ULK4: variants seen among roughly 807,000 people sequenced by gnomAD.
The protein encoded by ULK4 is unc-51 like kinase 4, also known as inactive serine/threonine-protein kinase ULK4.
In ULK4, 133 loss-of-function variants were observed where a neutral mutation model predicts 160.6. That is an observed-to-expected ratio of 0.83 (90% CI 0.72 to 0.96). The LOEUF (loss-of-function observed/expected upper bound fraction) is 0.96, where lower values mean the gene tolerates loss of function less well. ULK4 is among the 40% of genes least tolerant of loss of function. ULK4 has a pLI of 0.00. For missense variants in ULK4, 1,580 were observed against 1,499.5 expected (o/e 1.05, Z -0.89); for synonymous variants, 534 against 539.8 (o/e 0.99, Z 0.15).
At chr3:41,599,909 A>G (rs2031954565) in intron 31 of ULK4, among the ~76,000 whole-genome samples, 1 of 152,194 alleles carries the variant, frequency 6.6e-6, no homozygotes, top group Non-Finnish European at 1.5e-5. Flanking sequence ...TAATAGCTTA[A>G]TATCTACAAA....
At chr3:41,340,204 A>T (rs894758130) in intron 35 of ULK4, among the ~76,000 whole-genome samples, 1 of 152,262 alleles carries the variant, frequency 6.6e-6, no homozygotes, top group Non-Finnish European at 1.5e-5. Context: ...CACCCTTCAA[A>T]TTACTGAAGA....
At chr3:41,688,332 T>C (rs1017196011) in intron 27 of ULK4, among the ~76,000 whole-genome samples, 8 of 152,060 alleles carry the variant, frequency 5.3e-5, no homozygotes, top group African/African-American at 1.9e-4. Context: ...GGTGGGAGAA[T>C]CGCTTGAGCC....
chr3:41,529,278 G>A lies in ULK4; in HGVS notation c.3226+36747C>T, dbSNP rs144308552. Among the ~76,000 whole-genome samples, 4 of 152,170 alleles carry A rather than the reference G, an allele frequency of 2.6e-5. No homozygotes were observed. In the East Asian group the frequency reaches 7.7e-4, roughly 29 times the overall value. ...ACGAGAAAAATTTCTAAAAGTTGGAGCAAAACTCCTAAATTAAACTTACTC... is the reference window on the plus strand; with the variant it reads ...ACGAGAAAAATTTCTAAAAGTTGGAACAAAACTCCTAAATTAAACTTACTC... On this transcript the variant is annotated intron_variant, in intron 32 of 36. Transcript: ENST00000301831.
intron 35 of ULK4, among the ~76,000 whole-genome samples, chr3:41,391,504 C>A (rs1477807060): frequency 6.6e-6 from 1 of 151,630 alleles, no homozygotes; most frequent in Non-Finnish European, 1.5e-5. Context: ...TTTTATTATA[C>A]CTCAAGGAAT....
intron 19 of ULK4, among the ~76,000 whole-genome samples, chr3:41,815,637 C>T (rs1197703592): frequency 6.6e-6 from 1 of 152,160 alleles, no homozygotes; most frequent in East Asian, 1.9e-4. Flanking sequence ...CCTCAATGCC[C>T]TCCTCAGATC....
chr3:41,447,444 G>A (rs1276669861), intron 34 of ULK4, among the ~76,000 whole-genome samples: 2 of 151,878 alleles, frequency 1.3e-5, no homozygotes, highest in African/African-American at 4.8e-5. Context: ...GGCAGCCTTG[G>A]CCAATAACAA....
At chr3:41,847,008 G>A (rs1279809648) in intron 17 of ULK4, among the ~76,000 whole-genome samples, 1 of 152,016 alleles carries the variant, frequency 6.6e-6, no homozygotes, top group Non-Finnish European at 1.5e-5. Flanking sequence ...CTATTCTTGG[G>A]CAACCACAGG....
intron 32 of ULK4, among the ~76,000 whole-genome samples, chr3:41,479,708 CG>C (rs1559633879): frequency 6.6e-6 from 1 of 152,086 alleles, no homozygotes. Flanking sequence ...AGTAGAGAGA[CG>C]TGGCATGCAG....
At chr3:41,888,861 C>A (rs1697819225) in intron 16 of ULK4, among the ~76,000 whole-genome samples, 1 of 152,200 alleles carries the variant, frequency 6.6e-6, no homozygotes, top group Non-Finnish European at 1.5e-5. Context: ...TGATCTTCAG[C>A]CAGCTGGAAT....
intron 18 of ULK4, among the ~76,000 whole-genome samples, chr3:41,834,106 G>T (rs1039891832): frequency 6.6e-6 from 1 of 151,100 alleles, no homozygotes; most frequent in Non-Finnish European, 1.5e-5. Context: ...GGACAGATGG[G>T]GTACAAAACT....
rs186028045 is a variant in ULK4 at position 41,870,256 on chromosome 3, G to T, written c.1656+13618C>A. Among the ~76,000 whole-genome samples the T allele has an allele frequency of 4.9e-4, 75 of 152,254 alleles. 2 individuals carry two copies. In the East Asian group the frequency reaches 0.013, roughly 26 times the overall value. On this transcript the variant is annotated intron_variant, in intron 17 of 36. Transcript: ENST00000301831. ...GTGAGCTGACATTATCATCAATTTG[G>T]AAACATTTTCAACAATTATCCCTTC...
intron 16 of ULK4, among the ~76,000 whole-genome samples, chr3:41,885,872 T>G (rs1697702466): frequency 6.6e-6 from 1 of 152,064 alleles, no homozygotes; most frequent in Non-Finnish European, 1.5e-5. Context: ...GAAATGGGGT[T>G]TCGCCATGTT....
chr3:41,765,932 T>C (rs567499275), intron 21 of ULK4, among the ~76,000 whole-genome samples: 2 of 152,182 alleles, frequency 1.3e-5, no homozygotes, highest in South Asian at 2.1e-4. Context: ...TAAAACATGG[T>C]TGTCTTAAGT....
intron 1 of ULK4, chr3:41,961,807 TTAAC>T (rs1700684655): frequency 6.6e-6 from 1 of 152,600 alleles, no homozygotes; most frequent in African/African-American, 2.4e-5. Flanking sequence ...CCGTGTGCCC[TTAAC>T]TAACGCCCGG....
At chr3:41,256,120 T>G (rs185514145) in intron 35 of ULK4, among the ~76,000 whole-genome samples, 2 of 152,324 alleles carry the variant, frequency 1.3e-5, no homozygotes, top group Admixed American at 6.5e-5. Flanking sequence ...TAAAAATTTC[T>G]TCCAAAATAT....
At chr3:41,539,636 G>A (rs1009597257) in intron 32 of ULK4, among the ~76,000 whole-genome samples, 4 of 152,086 alleles carry the variant, frequency 2.6e-5, no homozygotes, top group Non-Finnish European at 2.9e-5. Flanking sequence ...TGTAAGTAAG[G>A]ACCCTGACAA....
intron 32 of ULK4, among the ~76,000 whole-genome samples, chr3:41,474,113 T>C (rs1559629715): frequency 6.6e-6 from 1 of 152,096 alleles, no homozygotes; most frequent in Non-Finnish European, 1.5e-5. Flanking sequence ...CAAACTATAC[T>C]ACAAAGCAAT....
At chr3:41,818,382 A>T (rs1363570610) in intron 19 of ULK4, among the ~76,000 whole-genome samples, 1 of 151,722 alleles carries the variant, frequency 6.6e-6, no homozygotes, top group African/African-American at 2.4e-5. Flanking sequence ...TTTTATTTTC[A>T]CTCCCACAAT....
intron 30 of ULK4, among the ~76,000 whole-genome samples, chr3:41,645,566 A>G (rs1192897498): frequency 6.6e-6 from 1 of 152,026 alleles, no homozygotes; most frequent in South Asian, 2.1e-4. Flanking sequence ...ACAGTTTGTT[A>G]TAATTTCTGT....
Sources: gnomAD v4.1 joint callset for allele counts (sites outside exome capture counted in the v4.1 genomes callset) on GRCh38, gnomAD v4.1.1 for gene constraint, MANE v1.5 for transcripts, NCBI Gene and HGNC (gene_info 2026-07-23, HGNC 2026-07-21) for gene names.